Variants in PLA2G4A observed in about 807,000 individuals in gnomAD.
The protein encoded by PLA2G4A is cytosolic phospholipase A2.
PLA2G4A carries 40 observed loss-of-function variants against 81.9 expected under a neutral mutation model. That is an observed-to-expected ratio of 0.49 (90% confidence interval 0.38 to 0.64). The LOEUF is 0.64. PLA2G4A is among the 30% of genes least tolerant of loss of function. The pLI is 0.00. For missense variants in PLA2G4A, 715 were observed against 905.1 expected, an observed-to-expected ratio of 0.79 and a Z score of 2.69; for synonymous variants, 302 against 296.9, an observed-to-expected ratio of 1.02 and a Z score of -0.18.
chr1:186,877,454 T>C (rs1653543917), intron 3 of PLA2G4A, among the ~76,000 whole-genome samples: 1 of 152,042 alleles, frequency 6.6e-6, no homozygotes, highest in South Asian at 2.1e-4. Context: ...TGACTAATTT[T>C]CAATTTTTCA....
chr1:186,946,923 G>C lies in PLA2G4A; in HGVS notation c.1226G>C (p.Gly409Ala). ...TTCAACAGAGTTTTGGGCGTTTCTGGTTCACAAAGCAGAGGCTCCACAATG... is the reference window on the plus strand; with the variant it reads ...TTCAACAGAGTTTTGGGCGTTTCTGCTTCACAAAGCAGAGGCTCCACAATG... ...ILFNRVLGVS[G>A]SQSRGSTMEE... The change falls in exon 12 of 18, where the codon GGT (glycine) becomes GCT (alanine). Residue 409 changes from glycine (G) to alanine (A), a missense_variant. By Grantham distance (60) the Gly-to-Ala change is moderately conservative. Coordinates refer to ENST00000367466, the MANE Select transcript of PLA2G4A (RefSeq NM_024420.3). The C allele has an allele frequency of 6.2e-7, 1 of 1,611,586 alleles. No individual in the cohort carries two copies. Among genetic ancestry groups the C allele is most frequent in the Non-Finnish European group, 8.5e-7 (1 of 1,177,908 alleles).
intron 1 of PLA2G4A, 135 bp from the exon 2 acceptor site, chr1:186,854,151 C>T (rs915962135): frequency 3.8e-6 from 2 of 521,334 alleles, no homozygotes; most frequent in Non-Finnish European, 6.8e-6. Flanking sequence ...ATAACCCATT[C>T]GTATACACAG....
chr1:186,974,616 A>G (rs1657469129), intron 15 of PLA2G4A, among the ~76,000 whole-genome samples: 1 of 152,246 alleles, frequency 6.6e-6, no homozygotes, highest in South Asian at 2.1e-4. Flanking sequence ...AAGTTAGTCT[A>G]TGGAAGTGTG....
In PLA2G4A at chr1:186,854,297, G is replaced by A. The variant is rs565284102; in HGVS notation, c.-58G>A. 88 of 985,200 alleles carry A rather than the reference G, an allele frequency of 8.9e-5. 1 individual carries two copies. Among genetic ancestry groups the A allele is most frequent in the Non-Finnish European group, 4.3e-5 (26 of 607,588 alleles). 61.0% of individuals were successfully genotyped at this position (985,200 alleles called of 1,614,324 possible). A position where few individuals can be genotyped will look rare whatever the true frequency, so the allele number is the denominator to read the frequency against. On this transcript the variant is annotated 5_prime_UTR_variant, in exon 2 of 18. Transcript: ENST00000367466. ...TGTTTATTTTGTAGGTTTTAAAGACGCTAGAGTGCCAAAGAAGACTTTGAA... is the reference window on the plus strand; with the variant it reads ...TGTTTATTTTGTAGGTTTTAAAGACACTAGAGTGCCAAAGAAGACTTTGAA...
intron 2 of PLA2G4A, among the ~76,000 whole-genome samples, chr1:186,865,485 A>G (rs539887331): frequency 6.6e-6 from 1 of 152,328 alleles, no homozygotes; most frequent in East Asian, 1.9e-4. Context: ...CTCAGGATTT[A>G]TTAATGACAT....
At chr1:186,922,334 G>A (rs66896520) in intron 7 of PLA2G4A, among the ~76,000 whole-genome samples, 24,651 of 152,142 alleles carry the variant, frequency 0.16, 3,213 homozygotes, top group African/African-American at 0.36. Flanking sequence ...CAAAGTGCCG[G>A]TACAGGCATG....
chr1:186,862,223 C>CTTTTTTTT lies in PLA2G4A; in HGVS notation c.33+7838_33+7845dup, dbSNP rs66584780. 1.6e-5 allele frequency among the ~76,000 whole-genome samples: 2 copies of CTTTTTTTT among 126,308 alleles called. 1 individual carries two copies. 82.9% of individuals were successfully genotyped at this position (126,308 alleles called of 152,430 possible). A position where few individuals can be genotyped will look rare whatever the true frequency, so the allele number is the denominator to read the frequency against. ...TATGTCTGTCTCTTTTAGTTATGAA[C>CTTTTTTTT]TTTTTTTTTGAGACAGGGTCTCACA... On this transcript the variant is annotated intron_variant, in intron 2 of 17. Transcript: ENST00000367466.
intron 17 of PLA2G4A, 77 bp from the exon 18 acceptor site, chr1:186,988,300 T>G: frequency 8.9e-7 from 1 of 1,123,872 alleles, no homozygotes; most frequent in South Asian, 1.4e-5. Flanking sequence ...AAGATTCATT[T>G]GATTTTTATT....
intron 3 of PLA2G4A, among the ~76,000 whole-genome samples, chr1:186,882,925 G>A (rs1375889128): frequency 6.6e-6 from 1 of 152,064 alleles, no homozygotes; most frequent in African/African-American, 2.4e-5. Flanking sequence ...AGGCCAGACG[G>A]TTAGAAAAGA....
rs372854495 is a variant in PLA2G4A at position 186,977,794 on chromosome 1, T to G, written c.1960+6T>G. 1 of 1,573,028 alleles carries G rather than the reference T, an allele frequency of 6.4e-7. No homozygotes were observed. Among genetic ancestry groups the G allele is most frequent in the Admixed American group, 1.7e-5 (1 of 59,968 alleles). On this transcript the variant is annotated splice_donor_region_variant and intron_variant, in intron 16 of 17. Transcript: ENST00000367466. ...CAGAAAGTACAGGGCTCCAGGTAAG[T>G]AGGGAGTAAGCTGTATTCCATAAAA... is the stretch of plus-strand genomic sequence containing the variant.
chr1:186,985,901 A>G (rs1474638160), intron 17 of PLA2G4A, among the ~76,000 whole-genome samples: 1 of 152,210 alleles, frequency 6.6e-6, no homozygotes, highest in Non-Finnish European at 1.5e-5. Context: ...AAAGGTTTAA[A>G]TTTAACATAA....
chr1:186,932,873 C>T lies in PLA2G4A; in HGVS notation c.669C>T (p.Tyr223=), dbSNP rs370260915. The T allele has an allele frequency of 1.2e-5, 20 of 1,612,170 alleles. No homozygotes were observed. Among genetic ancestry groups the T allele is most frequent in the Admixed American group, 6.7e-5 (4 of 59,980 alleles). Residue 223 remains tyrosine, a synonymous_variant, in exon 8 of 18, where the codon TAC becomes TAT. Coordinates refer to ENST00000367466, the MANE Select transcript of PLA2G4A (RefSeq NM_024420.3). The part of the protein sequence containing the change: ...YESGILDCAT[Y]VAGLSGSTWY... ...CAGGAATTCTGGATTGTGCTACCTA[C>T]GTTGCTGGTCTTTCTGGCTCCACCT...
chr1:186,907,922 A>G (rs1340384176), intron 6 of PLA2G4A, among the ~76,000 whole-genome samples: 4 of 152,202 alleles, frequency 2.6e-5, no homozygotes, highest in African/African-American at 9.6e-5. Context: ...TAAAAGTGGT[A>G]TATTTTGGCA....
chr1:186,870,706 A>C lies in PLA2G4A; in HGVS notation c.115+190A>C. ...AGATTAGCATTTTACCTGGGCCTTAAATTAGCCAAAGTGACAAAGGGGGCC... is the reference window on the plus strand; with the variant it reads ...AGATTAGCATTTTACCTGGGCCTTACATTAGCCAAAGTGACAAAGGGGGCC... On this transcript the variant is annotated intron_variant, in intron 3 of 17. Transcript: ENST00000367466. The C allele has an allele frequency of 8.2e-6, 12 of 1,467,808 alleles. No individual in the cohort carries two copies. In the East Asian group the frequency reaches 8.3e-5, roughly 10 times the overall value. The allele number at this position is 1,467,808 out of a possible 1,614,324, so 90.9% of individuals were successfully genotyped here.
At chr1:186,960,371 C>A (rs1430861047) in intron 14 of PLA2G4A, among the ~76,000 whole-genome samples, 2 of 152,118 alleles carry the variant, frequency 1.3e-5, no homozygotes, top group African/African-American at 4.8e-5. Context: ...CAAAGCTGAC[C>A]TGCTTTAAGG....
chr1:186,983,083 C>CAAAAAAAAAAAA (rs542890862), intron 17 of PLA2G4A, among the ~76,000 whole-genome samples: 1 of 99,038 alleles, frequency 1.0e-5, no homozygotes, highest in Non-Finnish European at 2.2e-5. Context: ...GAGTCTGTCT[C>CAAAAAAAAAAAA]AAAAAAAAAA....
intron 10 of PLA2G4A, 142 bp from the exon 11 acceptor site, chr1:186,946,495 C>T: frequency 1.4e-6 from 1 of 704,034 alleles, no homozygotes; most frequent in South Asian, 1.6e-5. Context: ...ACATAATGGG[C>T]ATTTGGCTAA....
chr1:186,837,419 T>C (rs1304480894), intron 1 of PLA2G4A, among the ~76,000 whole-genome samples: 3 of 151,626 alleles, frequency 2.0e-5, no homozygotes, highest in Admixed American at 2.0e-4. Context: ...AGTTTGCCAA[T>C]TAGATTATCC....
chr1:186,949,316 AAGG>A (rs1327164897), intron 12 of PLA2G4A, among the ~76,000 whole-genome samples: 1 of 134,560 alleles, frequency 7.4e-6, no homozygotes, highest in Non-Finnish European at 1.7e-5. Flanking sequence ...AAAGAGAAAG[AAGG>A]AAGGAAGGAA....
Sources: gnomAD v4.1 joint callset for allele counts (sites outside exome capture counted in the v4.1 genomes callset) on GRCh38, gnomAD v4.1.1 for gene constraint, MANE v1.5 for transcripts, NCBI Gene and HGNC (gene_info 2026-07-23, HGNC 2026-07-21) for gene names.